The following PLCB4 variants were observed in gnomAD, a reference collection of about 807,000 sequenced individuals.
PLCB4 encodes 1-phosphatidylinositol 4,5-bisphosphate phosphodiesterase beta-4.
Under a neutral mutation model 178.8 loss-of-function variants are expected in PLCB4, and 77 were observed. The ratio of observed to expected loss-of-function variants is 0.43; its 90% CI spans 0.36 to 0.52. The LOEUF (loss-of-function observed/expected upper bound fraction) is 0.52, where lower values mean the gene tolerates loss of function less well. PLCB4 is among the 20% of genes least tolerant of loss of function. The probability of loss-of-function intolerance (pLI) is 0.00; values close to 1 mark genes in which losing one functional copy is unlikely to be tolerated. For missense variants in PLCB4, 1,024 were observed against 1,453.4 expected (o/e 0.70, Z 4.80); for synonymous variants, 496 against 490.8 (o/e 1.01, Z -0.14).
chr20:9,413,300 A>G lies in PLCB4; in HGVS notation c.2051+2212A>G, dbSNP rs185035130. On this transcript the variant is annotated intron_variant, in intron 25 of 39. Transcript: ENST00000378473. ...CCTGGCAGCCTGGCCGGATGCAGGG[A>G]GTATTGTTTCTGTATAAAAAAAATC... 1.7e-4 allele frequency among the ~76,000 whole-genome samples: 26 copies of G among 152,124 alleles called. No homozygotes were observed. In the East Asian group the frequency reaches 4.5e-3, roughly 26 times the overall value.
intron 2 of PLCB4, among the ~76,000 whole-genome samples, chr20:9,122,175 T>C (rs1311509982): frequency 6.6e-6 from 1 of 152,134 alleles, no homozygotes; most frequent in Non-Finnish European, 1.5e-5. Context: ...ATTGTAAAAG[T>C]GGTGCTTGTC....
intron 3 of PLCB4, among the ~76,000 whole-genome samples, chr20:9,228,801 T>G (rs2093897975): frequency 6.6e-6 from 1 of 152,182 alleles, no homozygotes; most frequent in Non-Finnish European, 1.5e-5. Flanking sequence ...AGAAATGGGC[T>G]AGGGCAGAAG....
At chr20:9,220,923 A>G (rs1024838651) in intron 3 of PLCB4, among the ~76,000 whole-genome samples, 1 of 152,200 alleles carries the variant, frequency 6.6e-6, no homozygotes, top group African/African-American at 2.4e-5. Flanking sequence ...CTTGAGTGTT[A>G]CAGAAGCTCT....
At chr20:9,115,048 ATAG>A (rs907320602) in intron 2 of PLCB4, among the ~76,000 whole-genome samples, 5 of 152,148 alleles carry the variant, frequency 3.3e-5, no homozygotes, top group Non-Finnish European at 7.4e-5. Context: ...AGTTCTGCAA[ATAG>A]TATCCTTTGT....
At chr20:9,262,332 TGAGAGA>T (rs138950513) in intron 3 of PLCB4, among the ~76,000 whole-genome samples, 2 of 145,818 alleles carry the variant, frequency 1.4e-5, no homozygotes, top group Non-Finnish European at 3.0e-5. Context: ...AGTGAGTGAG[TGAGAGA>T]GAGAGAGAGA....
chr20:9,385,948 A>G lies in PLCB4; in HGVS notation c.1065-1515A>G, dbSNP rs546356857. ...TGGCGAGCCGAGATCACGCCACTAC[A>G]CTCCAGCCTGGGCAACACTGAGCAT... is the stretch of plus-strand genomic sequence containing the variant. On this transcript the variant is annotated intron_variant, in intron 14 of 39. Coordinates refer to ENST00000378473, the MANE Select transcript of PLCB4 (RefSeq NM_001377142.1). 3.9e-5 allele frequency among the ~76,000 whole-genome samples: 6 copies of G among 152,200 alleles called. No homozygotes were observed. The South Asian group carries it at 6.2e-4, about 16-fold the overall frequency.
In PLCB4 at chr20:9,276,158, G is replaced by A. The variant is rs149772336; in HGVS notation, c.-15-31642G>A. Among the ~76,000 whole-genome samples, 339 of 152,122 alleles carry A rather than the reference G, an allele frequency of 2.2e-3. 1 individual carries two copies. The highest frequency in any genetic ancestry group is 3.7e-3 in the Admixed American group (56 of 15,278). ...TTATCTTTGCTCATATAACAATACTGGGCAGGTGAAGGGGTTGATGCAACT... is the reference window on the plus strand; with the variant it reads ...TTATCTTTGCTCATATAACAATACTAGGCAGGTGAAGGGGTTGATGCAACT... On this transcript the variant is annotated intron_variant, in intron 3 of 39. Coordinates refer to ENST00000378473, the MANE Select transcript of PLCB4 (RefSeq NM_001377142.1).
intron 4 of PLCB4, among the ~76,000 whole-genome samples, chr20:9,326,803 A>G (rs1293650610): frequency 6.6e-6 from 1 of 152,128 alleles, no homozygotes; most frequent in African/African-American, 2.4e-5. Context: ...TGCAGAAACC[A>G]CATTTTCAAC....
chr20:9,320,146 C>G (rs2094943824), intron 4 of PLCB4, among the ~76,000 whole-genome samples: 1 of 152,110 alleles, frequency 6.6e-6, no homozygotes, highest in Non-Finnish European at 1.5e-5. Context: ...TGCTGGTTAG[C>G]TATTTTTATG....
intron 4 of PLCB4, among the ~76,000 whole-genome samples, chr20:9,316,350 G>A (rs576594738): frequency 4.6e-5 from 7 of 152,288 alleles, no homozygotes; most frequent in South Asian, 4.1e-4. Context: ...GAACCAGGCC[G>A]AGGTGTTTGG....
At chr20:9,300,939 A>G (rs2094694933) in intron 3 of PLCB4, among the ~76,000 whole-genome samples, 2 of 152,122 alleles carry the variant, frequency 1.3e-5, no homozygotes, top group South Asian at 2.1e-4. Flanking sequence ...CAGACGTCTG[A>G]CATCAAGGTA....
At chr20:9,309,547 T>G (rs923467826) in intron 4 of PLCB4, among the ~76,000 whole-genome samples, 2 of 152,232 alleles carry the variant, frequency 1.3e-5, no homozygotes, top group Admixed American at 6.5e-5. Flanking sequence ...TTTACTTATC[T>G]TTTTCTCTCC....
chr20:9,363,023 A>C, intron 8 of PLCB4, 48 bp downstream of exon 8: 1 of 1,313,950 alleles, frequency 7.6e-7, no homozygotes, highest in Non-Finnish European at 1.1e-6. Context: ...TATCAAACAA[A>C]TGGTCAGATG....
At chr20:9,396,326 G>T (rs1260668769) in intron 19 of PLCB4, among the ~76,000 whole-genome samples, 1 of 152,200 alleles carries the variant, frequency 6.6e-6, no homozygotes, top group Non-Finnish European at 1.5e-5. Context: ...TCAGGCAAAT[G>T]ATTGGTTTGT....
chr20:9,133,872 C>G (rs990273168), intron 2 of PLCB4, among the ~76,000 whole-genome samples: 2 of 152,164 alleles, frequency 1.3e-5, no homozygotes, highest in African/African-American at 2.4e-5. Flanking sequence ...TAGGAGACAT[C>G]AGTGTCAACT....
chr20:9,322,095 G>A (rs1011738318), intron 4 of PLCB4, among the ~76,000 whole-genome samples: 1 of 150,528 alleles, frequency 6.6e-6, no homozygotes, highest in Non-Finnish European at 1.5e-5. Context: ...GAGATTACAG[G>A]CAGAGCCACC....
chr20:9,087,508 T>G (rs1328966676), intron 1 of PLCB4, among the ~76,000 whole-genome samples: 1 of 152,206 alleles, frequency 6.6e-6, no homozygotes, highest in Non-Finnish European at 1.5e-5. Flanking sequence ...TAGAAAAACA[T>G]AGTACAATGT....
At chr20:9,461,874 T>C (rs1247784991) in intron 35 of PLCB4, among the ~76,000 whole-genome samples, 2 of 152,094 alleles carry the variant, frequency 1.3e-5, no homozygotes, top group Non-Finnish European at 2.9e-5. Context: ...GACTTAAACA[T>C]CCCTGTCTGA....
chr20:9,310,120 C>G (rs572555432), intron 4 of PLCB4, among the ~76,000 whole-genome samples: 101 of 152,238 alleles, frequency 6.6e-4, no homozygotes, highest in Middle Eastern at 3.4e-3. Flanking sequence ...ATAATTATTT[C>G]CCACTCCTAT....
Sources: allele counts gnomAD v4.1 joint callset (sites outside exome capture counted in the v4.1 genomes callset), GRCh38; gene constraint gnomAD v4.1.1; transcripts MANE v1.5; gene names NCBI Gene and HGNC (gene_info 2026-07-23, HGNC 2026-07-21).